Variants in FILIP1L observed in about 807,000 individuals in gnomAD.
FILIP1L encodes filamin A interacting protein 1 like, also known as filamin A-interacting protein 1-like.
Under a neutral mutation model 96.6 loss-of-function variants are expected in FILIP1L, and 55 were observed. That is an observed-to-expected ratio of 0.57 (90% CI 0.46 to 0.71). The LOEUF (loss-of-function observed/expected upper bound fraction) is 0.71, where lower values mean the gene tolerates loss of function less well. Ranked by LOEUF, FILIP1L falls within the 30% of genes least tolerant of loss-of-function variation. The pLI, the probability that FILIP1L is intolerant of heterozygous loss-of-function variation, is 0.00. For synonymous variants in FILIP1L, 467 were observed against 473.9 expected (o/e 0.99, Z 0.19); for missense variants, 1,304 against 1,321.2 (o/e 0.99, Z 0.20).
At chr3:99,861,585 G>A (rs1271052056) in intron 4 of FILIP1L, among the ~76,000 whole-genome samples, 2 of 152,094 alleles carry the variant, frequency 1.3e-5, no homozygotes, top group East Asian at 3.9e-4. Flanking sequence ...GCGTTCTTCT[G>A]TATCTTGTCT....
chr3:100,082,876 T>C (rs1435910635), intron 1 of FILIP1L, among the ~76,000 whole-genome samples: 1 of 152,240 alleles, frequency 6.6e-6, no homozygotes, highest in Non-Finnish European at 1.5e-5. Flanking sequence ...CTTGGGTTTA[T>C]TTTGTGAGAA....
intron 1 of FILIP1L, among the ~76,000 whole-genome samples, chr3:100,017,052 A>G (rs1710365379): frequency 6.6e-6 from 1 of 152,212 alleles, no homozygotes; most frequent in African/African-American, 2.4e-5. Flanking sequence ...AGTTTCTCAC[A>G]TGTGTGTATA....
chr3:99,916,435 TATACACAC>T (rs1389440497), intron 4 of FILIP1L, among the ~76,000 whole-genome samples: 1 of 120,092 alleles, frequency 8.3e-6, no homozygotes, highest in African/African-American at 3.5e-5. Context: ...AATAACGGTT[TATACACAC>T]ACACACACAC....
intron 1 of FILIP1L, among the ~76,000 whole-genome samples, chr3:100,016,710 C>A (rs942947842): frequency 6.6e-6 from 1 of 152,182 alleles, no homozygotes; most frequent in Admixed American, 6.5e-5. Flanking sequence ...CTCTTGAATC[C>A]TTTTTATCCT....
At chr3:100,056,948 G>C (rs1355642492) in intron 1 of FILIP1L, among the ~76,000 whole-genome samples, 1 of 152,088 alleles carries the variant, frequency 6.6e-6, no homozygotes, top group East Asian at 1.9e-4. Flanking sequence ...AGCTTGCAGT[G>C]AGCCGAGATC....
intron 1 of FILIP1L, among the ~76,000 whole-genome samples, chr3:100,016,929 A>G (rs934133056): frequency 2.0e-5 from 3 of 152,256 alleles, no homozygotes; most frequent in Non-Finnish European, 4.4e-5. Flanking sequence ...CCATCTAATT[A>G]TAGTTCACAG....
intron 4 of FILIP1L, among the ~76,000 whole-genome samples, chr3:99,893,476 A>T (rs982055653): frequency 1.3e-5 from 2 of 152,160 alleles, no homozygotes; most frequent in East Asian, 1.9e-4. Flanking sequence ...GCATCTAGAC[A>T]TTTTTTAATA....
At chr3:99,866,215 CTTAA>C (rs1944508922) in intron 4 of FILIP1L, among the ~76,000 whole-genome samples, 1 of 151,090 alleles carries the variant, frequency 6.6e-6, no homozygotes, top group Non-Finnish European at 1.5e-5. Flanking sequence ...GCTTTCTTAC[CTTAA>C]TTGTTGTTCA....
chr3:99,957,693 CTTTTTTTTTTT>C lies in FILIP1L; in HGVS notation c.-10-26674_-10-26664del, dbSNP rs779350496. 2.5e-3 allele frequency among the ~76,000 whole-genome samples: 49 copies of C among 19,906 alleles called. 1 individual carries two copies. The highest frequency in any genetic ancestry group is 6.7e-3 in the African/African-American group (40 of 5,982). 13.1% of individuals were successfully genotyped at this position (19,906 alleles called of 152,430 possible). On this transcript the variant is annotated intron_variant, in intron 1 of 5. Transcript: ENST00000477258. ...TTCTCCTTTTCTCTTTTCTTTCTTT[CTTTTTTTTTTT>C]TTTTTTTTTTTTTTTTTGGTGTGTG...
At chr3:100,014,891 C>CTTTTT (rs1710284139) in intron 1 of FILIP1L, among the ~76,000 whole-genome samples, 15 of 27,220 alleles carry the variant, frequency 5.5e-4, no homozygotes, top group South Asian at 1.5e-3. Flanking sequence ...TTTTTTCTTT[C>CTTTTT]TTTCTTTTTT....
intron 1 of FILIP1L, among the ~76,000 whole-genome samples, chr3:100,020,252 T>A (rs2064783477): frequency 6.6e-6 from 1 of 152,244 alleles, no homozygotes; most frequent in African/African-American, 2.4e-5. Context: ...TTTACTTCAC[T>A]ATTCTGCAAA....
intron 1 of FILIP1L, among the ~76,000 whole-genome samples, chr3:99,965,371 C>T (rs1361791401): frequency 1.3e-5 from 2 of 152,164 alleles, no homozygotes; most frequent in East Asian, 3.8e-4. Flanking sequence ...CTCTGTTGCC[C>T]AGTCAGGTGC....
At chr3:99,898,587 T>A in intron 4 of FILIP1L, 1 of 174,478 alleles carries the variant, frequency 5.7e-6, no homozygotes, top group South Asian at 9.2e-5. Context: ...GCCAACATGG[T>A]GAAACTCTGT....
In FILIP1L at chr3:99,848,983, GGT is replaced by G; in HGVS notation, c.2691_2692del (p.Pro898TrpfsTer20). The G allele has an allele frequency of 1.2e-6, 2 of 1,614,108 alleles. No individual in the cohort carries two copies. Among genetic ancestry groups the G allele is most frequent in the Non-Finnish European group, 1.7e-6 (2 of 1,179,996 alleles). On this transcript the variant is annotated frameshift_variant, in exon 5 of 6. Coordinates refer to ENST00000477258, the MANE Select transcript of FILIP1L (RefSeq NM_001387850.1). LOFTEE classifies it high-confidence loss of function. The stretch of plus-strand genomic sequence containing the variant: ...AACCTTTATATGAAGTGGCTGCCCA[GGT>G]GTGTGGCTTAGGACTAGATCTCCAG...
At chr3:99,891,526 G>T (rs1229575822) in intron 4 of FILIP1L, among the ~76,000 whole-genome samples, 1 of 151,840 alleles carries the variant, frequency 6.6e-6, no homozygotes, top group African/African-American at 2.4e-5. Flanking sequence ...TTGAAATATT[G>T]TATATATTTT....
At chr3:100,035,395 T>C (rs1192182199) in intron 1 of FILIP1L, among the ~76,000 whole-genome samples, 2 of 152,094 alleles carry the variant, frequency 1.3e-5, no homozygotes, top group Non-Finnish European at 2.9e-5. Flanking sequence ...TGCCTCAGCC[T>C]CCGGAGTAGC....
At chr3:99,963,624 T>C (rs1708558144) in intron 1 of FILIP1L, among the ~76,000 whole-genome samples, 1 of 152,158 alleles carries the variant, frequency 6.6e-6, no homozygotes, top group Non-Finnish European at 1.5e-5. Context: ...TTTTTTTCTT[T>C]TTTTTTAGAC....
At chr3:100,040,232 A>G (rs1039074178) in intron 1 of FILIP1L, 1 of 152,212 alleles carries the variant, frequency 6.6e-6, no homozygotes, top group African/African-American at 2.4e-5. Flanking sequence ...CATAAGATTA[A>G]ACAAAGAGTT....
chr3:100,018,837 T>G (rs1044130608), intron 1 of FILIP1L, among the ~76,000 whole-genome samples: 12 of 151,278 alleles, frequency 7.9e-5, no homozygotes, highest in African/African-American at 2.9e-4. Flanking sequence ...TATAAGACTG[T>G]CCTACAACTC....
Sources: allele counts gnomAD v4.1 joint callset (sites outside exome capture counted in the v4.1 genomes callset), GRCh38; gene constraint gnomAD v4.1.1; transcripts MANE v1.5; gene names NCBI Gene and HGNC (gene_info 2026-07-23, HGNC 2026-07-21).